The following COL28A1 variants were observed in gnomAD, a reference collection of about 807,000 sequenced individuals.
COL28A1 encodes the protein collagen type XXVIII alpha 1 chain.
In COL28A1, 161 loss-of-function variants were observed where a neutral mutation model predicts 150.2. The observed-to-expected ratio is 1.07, with a 90% CI of 0.94 to 1.22. COL28A1 has a LOEUF of 1.22. Ranked by LOEUF, COL28A1 falls within the 50% of genes most tolerant of loss-of-function variation. COL28A1 has a pLI of 0.00. For synonymous variants in COL28A1, 552 were observed against 469.7 expected (o/e 1.18, Z -2.26); for missense variants, 1,617 against 1,388.3 (o/e 1.16, Z -2.62).
intron 18 of COL28A1, among the ~76,000 whole-genome samples, chr7:7,450,055 G>T (rs547760987): frequency 6.6e-6 from 1 of 152,032 alleles, no homozygotes; most frequent in Admixed American, 6.6e-5. Context: ...AGACAAGGAG[G>T]TAATAGCACT....
chr7:7,487,594 C>T (rs1210794882), intron 13 of COL28A1, among the ~76,000 whole-genome samples: 6 of 152,088 alleles, frequency 3.9e-5, no homozygotes, highest in Non-Finnish European at 5.9e-5. Flanking sequence ...TTAATTATGA[C>T]TTATTTCTTT....
intron 25 of COL28A1, among the ~76,000 whole-genome samples, chr7:7,420,962 A>G (rs1485725025): frequency 6.6e-6 from 1 of 152,230 alleles, no homozygotes; most frequent in Non-Finnish European, 1.5e-5. Context: ...TAAATTTGCC[A>G]AATGATACAG....
intron 23 of COL28A1, among the ~76,000 whole-genome samples, chr7:7,433,792 T>G (rs1785152660): frequency 6.6e-6 from 1 of 152,194 alleles, no homozygotes; most frequent in African/African-American, 2.4e-5. Context: ...GCCCTTGTTT[T>G]GATAAAGAGC....
intron 18 of COL28A1, among the ~76,000 whole-genome samples, chr7:7,446,948 G>C (rs543753455): frequency 6.6e-6 from 1 of 152,156 alleles, no homozygotes; most frequent in East Asian, 1.9e-4. Context: ...CAGTACATGT[G>C]TGTGAAGAAA....
intron 27 of COL28A1, among the ~76,000 whole-genome samples, chr7:7,399,350 G>C (rs1476404616): frequency 6.6e-6 from 1 of 152,138 alleles, no homozygotes; most frequent in African/African-American, 2.4e-5. Flanking sequence ...AACTTTCTTA[G>C]AGCGTGTGTC....
At chr7:7,383,709 T>TATATATATATATATAA (rs1583260027) in intron 27 of COL28A1, among the ~76,000 whole-genome samples, 1 of 147,122 alleles carries the variant, frequency 6.8e-6, no homozygotes, top group Non-Finnish European at 1.5e-5. Flanking sequence ...TATATGTATA[T>TATATATATATATATAA]GAGATTCTAA....
At chr7:7,475,838 A>G (rs778752625) in intron 14 of COL28A1, among the ~76,000 whole-genome samples, 1 of 152,196 alleles carries the variant, frequency 6.6e-6, no homozygotes, top group Non-Finnish European at 1.5e-5. Flanking sequence ...TGATAGTGAT[A>G]CTGTGATTAG....
intron 15 of COL28A1, among the ~76,000 whole-genome samples, chr7:7,468,024 A>C (rs1181546823): frequency 1.3e-4 from 7 of 54,212 alleles, no homozygotes; most frequent in African/African-American, 5.1e-4. Context: ...CAAAATTGAC[A>C]CCCTAACATC....
Position 7,532,818 on chromosome 7 carries a change from T to A in COL28A1, c.58A>T (p.Thr20Ser). The change falls in exon 2 of 35, where the codon ACA becomes TCA. Residue 20 changes from threonine to serine, a missense_variant. Coordinates refer to ENST00000399429, the MANE Select transcript of COL28A1 (RefSeq NM_001037763.3). ...CCTTTCTTTCTTTGTCCGGATACTG[T>A]TTGACTCGTAAACGCTGACAAAAGC... The part of the protein sequence containing the change: ...LLLLSAFTSQ[T>S]VSGQRKKGPK... 1 of 1,612,842 alleles carries A rather than the reference T, an allele frequency of 6.2e-7. No individual in the cohort carries two copies. The highest frequency in any genetic ancestry group is 2.2e-5 in the East Asian group (1 of 44,820).
chr7:7,534,807 G>A (rs2190249), intron 1 of COL28A1, among the ~76,000 whole-genome samples: 143,012 of 152,212 alleles, frequency 0.94, 67,267 homozygotes, highest in East Asian at 1. Flanking sequence ...AATAATCCCA[G>A]TATCTCATAT....
At chr7:7,494,606 T>A (rs1780105104) in intron 11 of COL28A1, among the ~76,000 whole-genome samples, 1 of 152,244 alleles carries the variant, frequency 6.6e-6, no homozygotes. Context: ...CCAGACCTTT[T>A]TTGAGCACCA....
At chr7:7,350,655 CTTTTTTTTTT>C in the COL28A1 span, among the ~76,000 whole-genome samples, 2 of 115,072 alleles carry the variant, frequency 1.7e-5, no homozygotes, top group East Asian at 2.8e-4. Flanking sequence ...GTTTTCTTTC[CTTTTTTTTTT>C]TTTTTTTTTA....
chr7:7,357,760 GAC>G (rs900660314), downstream of COL28A1: 3 of 77,308 alleles, frequency 3.9e-5, no homozygotes, highest in African/African-American at 8.2e-5. Context: ...ATTATAAAAT[GAC>G]AGAGTCAATT....
chr7:7,513,209 C>G (rs539279910), intron 8 of COL28A1, among the ~76,000 whole-genome samples: 1 of 152,146 alleles, frequency 6.6e-6, no homozygotes, highest in South Asian at 2.1e-4. Flanking sequence ...TGCTAATCCC[C>G]ATAGCAGCCT....
At chr7:7,479,763 G>C (rs558654377) in intron 13 of COL28A1, among the ~76,000 whole-genome samples, 1 of 152,212 alleles carries the variant, frequency 6.6e-6, no homozygotes, top group Non-Finnish European at 1.5e-5. Context: ...GAAAAACACA[G>C]TCTCGGGCTT....
intron 15 of COL28A1, among the ~76,000 whole-genome samples, chr7:7,464,982 A>C (rs1352894039): frequency 2.0e-5 from 3 of 152,214 alleles, no homozygotes; most frequent in Non-Finnish European, 4.4e-5. Flanking sequence ...AAAAATCTAA[A>C]AGAAATCCAA....
chr7:7,413,798 T>G (rs1228009858), intron 27 of COL28A1, among the ~76,000 whole-genome samples: 1 of 152,206 alleles, frequency 6.6e-6, no homozygotes, highest in Non-Finnish European at 1.5e-5. Context: ...TCAGTCATAT[T>G]CAAGCCTACA....
chr7:7,520,926 A>G (rs1308334563), intron 5 of COL28A1, among the ~76,000 whole-genome samples: 1 of 151,896 alleles, frequency 6.6e-6, no homozygotes, highest in Non-Finnish European at 1.5e-5. Context: ...CCCCACTATC[A>G]TATAACGCAT....
chr7:7,485,542 A>G (rs1314817090), intron 13 of COL28A1, among the ~76,000 whole-genome samples: 2 of 152,150 alleles, frequency 1.3e-5, no homozygotes, highest in Non-Finnish European at 2.9e-5. Flanking sequence ...CATCAAGCCC[A>G]CGATCCTAAA....
Sources: gnomAD v4.1 joint callset for allele counts (sites outside exome capture counted in the v4.1 genomes callset) on GRCh38, gnomAD v4.1.1 for gene constraint, MANE v1.5 for transcripts, NCBI Gene and HGNC (gene_info 2026-07-23, HGNC 2026-07-21) for gene names.